Variants in MBNL1 observed in about 807,000 individuals in gnomAD.
MBNL1 encodes the protein muscleblind-like protein 1.
A neutral mutation model predicts 42.2 loss-of-function variants in MBNL1; 8 were observed. The ratio of observed to expected loss-of-function variants is 0.19; its 90% confidence interval spans 0.11 to 0.34. The LOEUF (loss-of-function observed/expected upper bound fraction) is 0.34. Ranked by LOEUF, MBNL1 falls within the 10% of genes least tolerant of loss-of-function variation. MBNL1 has a pLI of 1.00. For synonymous variants in MBNL1, 169 were observed against 173.9 expected, an observed-to-expected ratio of 0.97 and a Z score of 0.22; for missense variants, 309 against 495.3, an observed-to-expected ratio of 0.62 and a Z score of 3.57.
chr3:152,296,999 G>A (rs562421576), intron 1 of MBNL1, among the ~76,000 whole-genome samples: 5 of 152,194 alleles, frequency 3.3e-5, no homozygotes, highest in Non-Finnish European at 7.3e-5. Context: ...AGAGAAGGCA[G>A]TATTACGATA....
In MBNL1 at chr3:152,415,035, A is replaced by G. The variant is rs771368100; in HGVS notation, c.269A>G (p.Gln90Arg). ...EINGRNNLIQ[Q>R]KNMAMLAQQM... ...AATGGACGCAATAACTTGATTCAGC[A>G]GAAGAACATGGCCATGTTGGCCCAG... is the stretch of plus-strand genomic sequence containing the variant. Residue 90 changes from glutamine to arginine, a missense_variant, in exon 3 of 10, where the codon CAG becomes CGG. Coordinates refer to ENST00000324210, the MANE Select transcript of MBNL1 (RefSeq NM_021038.5). 6.2e-7 allele frequency: 1 copy of G among 1,611,884 alleles called. No individual in the cohort carries two copies. Among genetic ancestry groups the G allele is most frequent in the Non-Finnish European group, 8.5e-7 (1 of 1,179,338 alleles).
At chr3:152,254,665 A>G (rs2035191296) in intron 2 of MBNL1, among the ~76,000 whole-genome samples, 1 of 152,124 alleles carries the variant, frequency 6.6e-6, no homozygotes, top group South Asian at 2.1e-4. Context: ...AGTTATATGT[A>G]TTAACATATA....
intron 4 of MBNL1, among the ~76,000 whole-genome samples, chr3:152,444,339 C>T (rs551672814): frequency 1.3e-5 from 2 of 152,100 alleles, no homozygotes; most frequent in East Asian, 1.9e-4. Context: ...CTAAGATCTC[C>T]GTGGCAAAAT....
intron 6 of MBNL1, among the ~76,000 whole-genome samples, chr3:152,448,463 G>A (rs1714958355): frequency 6.6e-6 from 1 of 151,950 alleles, no homozygotes; most frequent in Non-Finnish European, 1.5e-5. Flanking sequence ...TTAATTACCT[G>A]GAAATTTACT....
At chr3:152,266,301 A>G (rs940136981), upstream of MBNL1, 7 of 152,106 alleles carry the variant, frequency 4.6e-5, no homozygotes, top group African/African-American at 1.7e-4. Flanking sequence ...TCATCCTTGT[A>G]TTTCTTTGTA....
chr3:152,339,709 G>A (rs987648734), intron 2 of MBNL1: 3 of 152,072 alleles, frequency 2.0e-5, no homozygotes, highest in Non-Finnish European at 4.4e-5. Flanking sequence ...GGCCAAAAAT[G>A]CAACTTAATT....
chr3:152,415,402 C>A (rs1025687186), intron 3 of MBNL1, among the ~76,000 whole-genome samples: 11 of 152,132 alleles, frequency 7.2e-5, no homozygotes, highest in Non-Finnish European at 1.5e-4. Flanking sequence ...CTCTGTGTTA[C>A]AATGATCATC....
intron 4 of MBNL1, among the ~76,000 whole-genome samples, chr3:152,435,454 A>T (rs922481942): frequency 1.3e-5 from 2 of 152,120 alleles, no homozygotes; most frequent in African/African-American, 4.8e-5. Context: ...CTTGTAGTAT[A>T]GTTTGAGTCA....
chr3:152,426,126 C>G (rs1225526450), intron 3 of MBNL1, among the ~76,000 whole-genome samples: 8 of 151,074 alleles, frequency 5.3e-5, no homozygotes, highest in Non-Finnish European at 1.0e-4. Context: ...CATGTTCTCA[C>G]TCATAAGTGG....
chr3:152,362,580 G>A (rs915739683), intron 2 of MBNL1, among the ~76,000 whole-genome samples: 7 of 152,052 alleles, frequency 4.6e-5, no homozygotes, highest in Admixed American at 1.3e-4. Flanking sequence ...TCTTGGACCC[G>A]ATAAATATTT....
chr3:152,381,383 C>A (rs1031049633), intron 2 of MBNL1, among the ~76,000 whole-genome samples: 25 of 151,208 alleles, frequency 1.7e-4, no homozygotes, highest in African/African-American at 1.9e-4. Context: ...AACAAACAAA[C>A]AAAAAAAAGT....
chr3:152,458,099 G>A, intron 8 of MBNL1: 1 of 1,598,330 alleles, frequency 6.3e-7, no homozygotes, highest in Non-Finnish European at 8.6e-7. Context: ...TGCATCGATT[G>A]GTGTTGAAGG....
chr3:152,264,696 C>T (rs1160099417), upstream of MBNL1: 1 of 152,094 alleles, frequency 6.6e-6, no homozygotes, highest in Admixed American at 6.5e-5. Flanking sequence ...CTTTTAATTT[C>T]AAAATGTATT....
chr3:152,395,243 A>G (rs1342917378), intron 2 of MBNL1, among the ~76,000 whole-genome samples: 2 of 152,220 alleles, frequency 1.3e-5, no homozygotes, highest in East Asian at 1.9e-4. Context: ...AAATATTTTT[A>G]AAGTTTAAGA....
chr3:152,350,499 C>T (rs1405902239), intron 2 of MBNL1, among the ~76,000 whole-genome samples: 1 of 152,096 alleles, frequency 6.6e-6, no homozygotes. Flanking sequence ...TGTTGTAGAG[C>T]AGTGAGGGTT....
At chr3:152,312,303 A>C (rs1468444388) in intron 2 of MBNL1, among the ~76,000 whole-genome samples, 3 of 152,196 alleles carry the variant, frequency 2.0e-5, no homozygotes, top group Non-Finnish European at 4.4e-5. Flanking sequence ...CATTTGGATG[A>C]ATGGTAGCTT....
At chr3:152,321,837 T>G (rs1214422674) in intron 2 of MBNL1, among the ~76,000 whole-genome samples, 1 of 152,074 alleles carries the variant, frequency 6.6e-6, no homozygotes, top group Non-Finnish European at 1.5e-5. Context: ...GAAAATGTAT[T>G]CAGATCTACT....
chr3:152,418,489 A>G (rs1291179327), intron 3 of MBNL1, among the ~76,000 whole-genome samples: 1 of 151,886 alleles, frequency 6.6e-6, no homozygotes, highest in African/African-American at 2.4e-5. Flanking sequence ...CCTGGGCAAC[A>G]TAGCAAGACA....
intron 2 of MBNL1, among the ~76,000 whole-genome samples, chr3:152,318,772 CTAT>C (rs1392276317): frequency 4.6e-5 from 7 of 152,168 alleles, no homozygotes; most frequent in Middle Eastern, 3.4e-3. Context: ...CTGTGACTAG[CTAT>C]TATTATGTCA....
Sources: allele counts gnomAD v4.1 joint callset (sites outside exome capture counted in the v4.1 genomes callset), GRCh38; gene constraint gnomAD v4.1.1; transcripts MANE v1.5; gene names NCBI Gene and HGNC (gene_info 2026-07-23, HGNC 2026-07-21).